Variants in DNAH3 observed in about 807,000 individuals in gnomAD.
The protein encoded by DNAH3 is axonemal beta dynein heavy chain 3.
Under a neutral mutation model 432.5 loss-of-function variants are expected in DNAH3, and 332 were observed. The ratio of observed to expected loss-of-function variants is 0.77; its 90% CI spans 0.70 to 0.84. The LOEUF is 0.84. Among genes scored for constraint, DNAH3 ranks in the 40% least tolerant of loss-of-function variants. The pLI, the probability that DNAH3 is intolerant of heterozygous loss-of-function variation, is 0.00. For synonymous variants in DNAH3, 1,956 were observed against 1,900.2 expected (o/e 1.03, Z -0.76); for missense variants, 4,861 against 5,114.0 (o/e 0.95, Z 1.51).
At chr16:20,935,311 C>A (rs1414934044) in intron 61 of DNAH3, 37 bp downstream of exon 61, 2 of 1,609,416 alleles carry the variant, frequency 1.2e-6, no homozygotes, top group South Asian at 1.1e-5. Context: ...TTTCTCTGGT[C>A]AGCCCCTTGA....
intron 10 of DNAH3, chr16:21,121,055 G>T (rs2092329208): frequency 1.5e-6 from 1 of 681,502 alleles, no homozygotes; most frequent in Admixed American, 2.0e-5. Flanking sequence ...GAACTCCTGG[G>T]CATTCGTTTC....
At chr16:21,032,970 T>C (rs1345103819) in intron 36 of DNAH3, among the ~76,000 whole-genome samples, 2 of 152,076 alleles carry the variant, frequency 1.3e-5, no homozygotes, top group African/African-American at 4.8e-5. Context: ...TATTATATTC[T>C]ATTATTTTAT....
chr16:21,053,672 T>A (rs377155551), intron 28 of DNAH3, among the ~76,000 whole-genome samples: 41 of 152,238 alleles, frequency 2.7e-4, no homozygotes, highest in African/African-American at 8.7e-4. Flanking sequence ...AGCATTAACC[T>A]GAGGGGAGTG....
chr16:21,032,179 G>A (rs893183309), intron 36 of DNAH3, among the ~76,000 whole-genome samples: 10 of 152,138 alleles, frequency 6.6e-5, no homozygotes, highest in African/African-American at 2.4e-4. Context: ...ACTCAAACAG[G>A]CTGAAGGAAG....
exon 36 of DNAH3, chr16:21,033,989 C>A: frequency 6.2e-7 from 1 of 1,613,422 alleles, no homozygotes; most frequent in Admixed American, 1.7e-5. Context: ...TGTAAATCGC[C>A]GAGAGCTGCA....
At chr16:21,131,812 C>T (rs529439203) in intron 7 of DNAH3, among the ~76,000 whole-genome samples, 8 of 146,022 alleles carry the variant, frequency 5.5e-5, no homozygotes, top group African/African-American at 2.0e-4. Context: ...CAAGATCGCG[C>T]CATTGCACTC....
intron 41 of DNAH3, among the ~76,000 whole-genome samples, chr16:21,008,581 T>C (rs2087431751): frequency 6.6e-6 from 1 of 152,162 alleles, no homozygotes; most frequent in Non-Finnish European, 1.5e-5. Context: ...TGGCGTTTTT[T>C]CCCATCCCTA....
At chr16:21,102,578 A>T (rs531006133) in intron 16 of DNAH3, among the ~76,000 whole-genome samples, 1 of 152,250 alleles carries the variant, frequency 6.6e-6, no homozygotes, top group Non-Finnish European at 1.5e-5. Context: ...CGTTCTCCAG[A>T]TGAGGGGCAC....
At chr16:20,952,948 G>C (rs1409690266) in intron 55 of DNAH3, among the ~76,000 whole-genome samples, 1 of 151,996 alleles carries the variant, frequency 6.6e-6, no homozygotes, top group African/African-American at 2.4e-5. Flanking sequence ...TCCCCTCCTC[G>C]AGCTCACGGG....
At chr16:21,042,983 C>T (rs1354690355) in intron 31 of DNAH3, among the ~76,000 whole-genome samples, 4 of 152,128 alleles carry the variant, frequency 2.6e-5, no homozygotes, top group Non-Finnish European at 5.9e-5. Flanking sequence ...CATCCATGTA[C>T]CTACAAAGGA....
Position 20,948,384 on chromosome 16 carries a change from T to A in DNAH3, c.11343+99A>T. ...TGGATTCAATTCAGGAAGCCCAAGG[T>A]CACCCCTGGGATCCCTGGCTACACT... On this transcript the variant is annotated intron_variant, in intron 57 of 61. Coordinates refer to ENST00000261383, the Ensembl canonical transcript of DNAH3. 4.7e-6 allele frequency: 6 copies of A among 1,271,864 alleles called. No individual in the cohort carries two copies. In the Middle Eastern group the frequency reaches 1.1e-3, roughly 231 times the overall value. The allele number at this position is 1,271,864 out of a possible 1,614,324, so 78.8% of individuals were successfully genotyped here. A position where few individuals can be genotyped will look rare whatever the true frequency, so the allele number is the denominator to read the frequency against.
chr16:21,081,155 G>C (rs945693981), intron 20 of DNAH3, among the ~76,000 whole-genome samples: 14 of 152,096 alleles, frequency 9.2e-5, no homozygotes, highest in Admixed American at 7.9e-4. Context: ...CTGACCTCAA[G>C]TGGTCCGCCT....
intron 18 of DNAH3, among the ~76,000 whole-genome samples, chr16:21,088,448 G>T (rs1483337208): frequency 2.0e-5 from 3 of 152,172 alleles, no homozygotes; most frequent in East Asian, 1.9e-4. Context: ...AGGCAAAGAG[G>T]AGTAGTAGTA....
At chr16:21,002,336 A>C (rs1218965310) in intron 42 of DNAH3, among the ~76,000 whole-genome samples, 1 of 152,168 alleles carries the variant, frequency 6.6e-6, no homozygotes, top group African/African-American at 2.4e-5. Flanking sequence ...CTTATTAATC[A>C]AAACCTACTT....
chr16:20,980,200 ATAT>A (rs2085800923), intron 49 of DNAH3, among the ~76,000 whole-genome samples: 1 of 127,682 alleles, frequency 7.8e-6, no homozygotes, highest in African/African-American at 2.9e-5. Context: ...ATTTTATTAT[ATAT>A]TTATTTATAT....
intron 41 of DNAH3, 109 bp from the exon 42 acceptor site, chr16:21,003,316 A>T (rs2087121653): frequency 1.4e-6 from 1 of 689,756 alleles, no homozygotes; most frequent in Admixed American, 2.8e-5. Flanking sequence ...ATGTGTAACT[A>T]CCAGTACTGG....
chr16:21,031,382 T>C (rs541150439), intron 36 of DNAH3, 96 bp from the exon 37 acceptor site: 2 of 1,468,926 alleles, frequency 1.4e-6, no homozygotes, highest in South Asian at 1.3e-5. Context: ...TCAACTTTTA[T>C]AAATATGCCA....
At chr16:20,953,355 C>A (rs540898702) in intron 55 of DNAH3, among the ~76,000 whole-genome samples, 2 of 151,924 alleles carry the variant, frequency 1.3e-5, no homozygotes, top group African/African-American at 4.8e-5. Flanking sequence ...GACGGGGATT[C>A]GCCATGTTGG....
At chr16:21,124,774 C>T (rs540649037) in intron 9 of DNAH3, among the ~76,000 whole-genome samples, 2 of 152,088 alleles carry the variant, frequency 1.3e-5, no homozygotes, top group Non-Finnish European at 2.9e-5. Context: ...CTCAGCCTCC[C>T]GAGTAGTTGG....
Sources: gnomAD v4.1 joint callset for allele counts (sites outside exome capture counted in the v4.1 genomes callset) on GRCh38, gnomAD v4.1.1 for gene constraint, MANE v1.5 for transcripts, NCBI Gene and HGNC (gene_info 2026-07-23, HGNC 2026-07-21) for gene names.